FLNB: variants seen among roughly 807,000 people sequenced by gnomAD.
FLNB encodes the protein filamin B.
A neutral mutation model predicts 250.6 loss-of-function variants in FLNB; 111 were observed. The observed-to-expected ratio is 0.44, with a 90% CI of 0.38 to 0.52. The LOEUF (loss-of-function observed/expected upper bound fraction) is 0.52, where lower values mean the gene tolerates loss of function less well. Ranked by LOEUF, FLNB falls within the 20% of genes least tolerant of loss-of-function variation. FLNB has a pLI of 0.00. For synonymous variants in FLNB, 1,302 were observed against 1,372.1 expected, an observed-to-expected ratio of 0.95 and a Z score of 1.13; for missense variants, 2,869 against 3,447.8, an observed-to-expected ratio of 0.83 and a Z score of 4.20.
In FLNB at chr3:58,156,045, C is replaced by T. The variant is rs550145866; in HGVS notation, c.6858C>T (p.Asp2286=). 1.2e-5 allele frequency: 19 copies of T among 1,614,046 alleles called. No homozygotes were observed. Among genetic ancestry groups the T allele is most frequent in the African/African-American group, 9.3e-5 (7 of 75,058 alleles). The change falls in exon 41 of 46, where the codon GAC becomes GAT. Residue 2286 remains aspartate, a synonymous_variant. Coordinates refer to ENST00000295956, the MANE Select transcript of FLNB (RefSeq NM_001457.4). ...YLVPVIAPSD[D]ARRLTVMSLQ... ...TGCCGGTCATCGCACCCTCCGACGACGCCCGCCGCCTCACTGTTATGAGCC... is the reference window on the plus strand; with the variant it reads ...TGCCGGTCATCGCACCCTCCGACGATGCCCGCCGCCTCACTGTTATGAGCC...
chr3:58,034,288 T>A (rs2097134988), intron 1 of FLNB, among the ~76,000 whole-genome samples: 1 of 152,226 alleles, frequency 6.6e-6, no homozygotes, highest in Non-Finnish European at 1.5e-5. Context: ...TTCAAGAAAC[T>A]GCCAAACTGT....
Position 58,045,424 on chromosome 3 carries a change from A to G in FLNB, c.293-31622A>G, listed in dbSNP as rs578002328. 5.3e-5 allele frequency among the ~76,000 whole-genome samples: 8 copies of G among 152,274 alleles called. No individual in the cohort carries two copies. In the South Asian group the frequency reaches 1.2e-3, roughly 24 times the overall value. The stretch of plus-strand genomic sequence containing the variant: ...CCCAGGACAGCTCTGAATGCGCCCC[A>G]ACACAAATTCGTAAACTTTCTTAAA... On this transcript the variant is annotated intron_variant, in intron 1 of 45. Transcript: ENST00000295956.
At position 58,130,631 on chromosome 3, in the gene FLNB, C is replaced by G. The variant is rs4475005; in HGVS notation, c.4223-110C>G. The G allele has an allele frequency of 6.5e-3, 7,112 of 1,087,664 alleles. 326 individuals are homozygous for G. The African/African-American group carries it at 0.098, about 15-fold the overall frequency. 67.4% of individuals were successfully genotyped at this position (1,087,664 alleles called of 1,614,324 possible). A position where few individuals can be genotyped will look rare whatever the true frequency, so the allele number is the denominator to read the frequency against. On this transcript the variant is annotated intron_variant, in intron 24 of 45. Transcript: ENST00000295956. ...ACACAGTGAGGCAGGGGGAGCTGAC[C>G]GAGGCCTGCATGGCCGAGGTCCCGG...
chr3:58,160,817 C>CA (rs976576226), intron 42 of FLNB, among the ~76,000 whole-genome samples: 54 of 150,314 alleles, frequency 3.6e-4, no homozygotes, highest in African/African-American at 1.1e-3. Flanking sequence ...CCCTTCTCTA[C>CA]AAAAAAAAGT....
At chr3:58,085,413 T>C (rs750726590) in intron 4 of FLNB, among the ~76,000 whole-genome samples, 3 of 152,230 alleles carry the variant, frequency 2.0e-5, no homozygotes, top group Admixed American at 6.5e-5. Context: ...CATTGCTTCA[T>C]TTCTGCCACC....
At chr3:58,162,508 A>G (rs1485001484) in intron 42 of FLNB, 4 of 152,684 alleles carry the variant, frequency 2.6e-5, no homozygotes, top group Non-Finnish European at 5.8e-5. Flanking sequence ...TTCCCCTTCA[A>G]GTGGCCAAAT....
At chr3:58,064,301 C>T (rs2097182417) in intron 1 of FLNB, among the ~76,000 whole-genome samples, 1 of 152,028 alleles carries the variant, frequency 6.6e-6, no homozygotes, top group Non-Finnish European at 1.5e-5. Flanking sequence ...CCACCACGCC[C>T]AACTAATTTT....
chr3:58,134,767 A>G lies in FLNB; in HGVS notation c.4666A>G (p.Ile1556Val). The G allele has an allele frequency of 6.2e-7, 1 of 1,614,022 alleles. No homozygotes were observed. The highest frequency in any genetic ancestry group is 8.5e-7 in the Non-Finnish European group (1 of 1,179,868). Residue 1556 changes from isoleucine to valine, a missense_variant, in exon 27 of 46, where the codon ATA becomes GTA. Coordinates refer to ENST00000295956, the MANE Select transcript of FLNB (RefSeq NM_001457.4). ...DAGEGLLAVQ[I>V]TDQEGKPKRA... is the part of the protein sequence containing the mutation. ...CGGGGAAGGCCTGCTTGCTGTTCAA[A>G]TAACGGTAACTTGGAGTTATTTTCT...
intron 1 of FLNB, among the ~76,000 whole-genome samples, chr3:58,059,731 G>A (rs907199677): frequency 3.9e-5 from 6 of 152,146 alleles, no homozygotes; most frequent in African/African-American, 9.7e-5. Flanking sequence ...TTACTGCCAC[G>A]ACCGTTTATC....
At chr3:58,016,512 TATAAAC>T (rs986880359) in intron 1 of FLNB, among the ~76,000 whole-genome samples, 74 of 150,380 alleles carry the variant, frequency 4.9e-4, no homozygotes, top group African/African-American at 1.8e-3. Context: ...ATTTATAAGT[TATAAAC>T]ATACTCTACT....
At chr3:58,135,774 A>G (rs1409003539) in intron 27 of FLNB, among the ~76,000 whole-genome samples, 1 of 152,154 alleles carries the variant, frequency 6.6e-6, no homozygotes, top group Non-Finnish European at 1.5e-5. Context: ...AAATTACTAA[A>G]AATTGGCCAT....
intron 1 of FLNB, among the ~76,000 whole-genome samples, chr3:58,030,823 G>C (rs953316543): frequency 2.6e-5 from 4 of 152,146 alleles, no homozygotes; most frequent in Non-Finnish European, 5.9e-5. Flanking sequence ...CGGTGAGGTT[G>C]TGGTGAGCTG....
At chr3:58,009,267 G>A (rs566480782) in intron 1 of FLNB, among the ~76,000 whole-genome samples, 3 of 152,282 alleles carry the variant, frequency 2.0e-5, no homozygotes, top group Non-Finnish European at 4.4e-5. Context: ...CGCCCAGGTT[G>A]GTGCTCTCAG....
At chr3:58,100,247 G>A (rs770958555) in intron 8 of FLNB, among the ~76,000 whole-genome samples, 3 of 151,316 alleles carry the variant, frequency 2.0e-5, no homozygotes, top group African/African-American at 4.9e-5. Context: ...TTCCTCACTC[G>A]TGGACTTCCT....
At chr3:58,102,732 A>G (rs1293697952) in intron 9 of FLNB, among the ~76,000 whole-genome samples, 3 of 152,238 alleles carry the variant, frequency 2.0e-5, no homozygotes, top group Non-Finnish European at 4.4e-5. Flanking sequence ...ACAGTCTCCA[A>G]AGCCAGTGAT....
intron 1 of FLNB, among the ~76,000 whole-genome samples, chr3:58,065,565 C>T (rs1291471147): frequency 6.6e-6 from 1 of 151,904 alleles, no homozygotes; most frequent in Non-Finnish European, 1.5e-5. Context: ...GTGAGGATTG[C>T]ACAAGGTGAT....
chr3:58,070,848 C>T (rs530502813), intron 1 of FLNB, among the ~76,000 whole-genome samples: 2 of 151,828 alleles, frequency 1.3e-5, no homozygotes, highest in Non-Finnish European at 2.9e-5. Context: ...GACTGGGTTT[C>T]ACCATGTTGG....
At chr3:58,107,586 C>T (rs1205377592) in intron 12 of FLNB, among the ~76,000 whole-genome samples, 3 of 152,168 alleles carry the variant, frequency 2.0e-5, no homozygotes, top group South Asian at 2.1e-4. Flanking sequence ...GTCTTACAGC[C>T]ATTTTCTATA....
chr3:58,168,751 G>A (rs984924679), intron 44 of FLNB, 93 bp downstream of exon 44: 6 of 918,124 alleles, frequency 6.5e-6, no homozygotes, highest in African/African-American at 4.9e-5. Flanking sequence ...GGTTTTAGAT[G>A]TGTTAAAGCT....
Sources: gnomAD v4.1 joint callset for allele counts (sites outside exome capture counted in the v4.1 genomes callset) on GRCh38, gnomAD v4.1.1 for gene constraint, MANE v1.5 for transcripts, NCBI Gene and HGNC (gene_info 2026-07-23, HGNC 2026-07-21) for gene names.